Variants in ARHGEF4 observed in about 807,000 individuals in gnomAD.
The protein encoded by ARHGEF4 is APC-stimulated guanine nucleotide exchange factor 1.
ARHGEF4 carries 119 observed loss-of-function variants against 162.0 expected under a neutral mutation model. That is an observed-to-expected ratio of 0.73 (90% CI 0.63 to 0.86). ARHGEF4 has a LOEUF of 0.86. Ranked by LOEUF, ARHGEF4 falls within the 40% of genes least tolerant of loss-of-function variation. The probability of loss-of-function intolerance (pLI) is 0.00; values close to 1 mark genes in which losing one functional copy is unlikely to be tolerated. For missense variants in ARHGEF4, 2,488 were observed against 2,456.0 expected (o/e 1.01, Z -0.28); for synonymous variants, 1,014 against 979.9 (o/e 1.03, Z -0.65).
chr2:130,836,938 C>T lies in ARHGEF4; in HGVS notation c.-16C>T. 1.6e-6 allele frequency: 2 copies of T among 1,223,086 alleles called. No individual in the cohort carries two copies. Among genetic ancestry groups the T allele is most frequent in the Non-Finnish European group, 2.0e-6 (2 of 982,846 alleles). 75.8% of individuals were successfully genotyped at this position (1,223,086 alleles called of 1,614,324 possible). The stretch of plus-strand genomic sequence containing the variant: ...CGTAGTGCTGCGGCCGGGCTCCGGG[C>T]GTCCCGGCGGCCACCATGCTCAGCG... On this transcript the variant is annotated 5_prime_UTR_variant, in exon 1 of 14. Coordinates refer to ENST00000409359, the MANE Select transcript of ARHGEF4 (RefSeq NM_001367493.1).
chr2:130,919,602 G>A lies in ARHGEF4; in HGVS notation c.3552+2104G>A, dbSNP rs777330492. Among the ~76,000 whole-genome samples the A allele has an allele frequency of 7.9e-4, 120 of 152,190 alleles. 1 individual carries two copies. The highest frequency in any genetic ancestry group is 2.1e-4 in the Non-Finnish European group (14 of 68,034). ...GATTTAATAGTGATATAGGCCATGC[G>A]TGGTGGTTCACACCTGTAATCCCAG... On this transcript the variant is annotated intron_variant, in intron 2 of 13. Transcript: ENST00000409359.
In ARHGEF4 at chr2:130,836,943, C is replaced by T. The variant is rs1680235037; in HGVS notation, c.-11C>T. On this transcript the variant is annotated 5_prime_UTR_variant, in exon 1 of 14. Transcript: ENST00000409359. ...TGCTGCGGCCGGGCTCCGGGCGTCC[C>T]GGCGGCCACCATGCTCAGCGTCGTG... 1 of 1,225,396 alleles carries T rather than the reference C, an allele frequency of 8.2e-7. No homozygotes were observed. The highest frequency in any genetic ancestry group is 1.0e-6 in the Non-Finnish European group (1 of 983,810). 75.9% of individuals were successfully genotyped at this position (1,225,396 alleles called of 1,614,324 possible).
chr2:130,847,317 G>A (rs1160978757), intron 1 of ARHGEF4, among the ~76,000 whole-genome samples: 5 of 152,194 alleles, frequency 3.3e-5, no homozygotes, highest in Non-Finnish European at 7.4e-5. Context: ...TTCACCTGGA[G>A]TATGAGTGCC....
chr2:130,939,599 G>T (rs1683169721), intron 3 of ARHGEF4, among the ~76,000 whole-genome samples: 1 of 152,048 alleles, frequency 6.6e-6, no homozygotes, highest in Non-Finnish European at 1.5e-5. Context: ...TAATAAATAT[G>T]AAAATAAGTT....
intron 1 of ARHGEF4, among the ~76,000 whole-genome samples, chr2:130,865,950 C>A (rs1682241623): frequency 6.6e-6 from 1 of 152,172 alleles, no homozygotes; most frequent in Middle Eastern, 3.2e-3. Flanking sequence ...TCAGTTGAGG[C>A]ATTCCATGAC....
rs558001991 is a variant in ARHGEF4 at position 130,970,717 on chromosome 2, T to C, written c.3985+24082T>C. Among the ~76,000 whole-genome samples, 5 of 152,340 alleles carry C rather than the reference T, an allele frequency of 3.3e-5. No homozygotes were observed. In the East Asian group the frequency reaches 9.6e-4, roughly 29 times the overall value. ...CATGTGGGTGTTTGGCATATGCATA[T>C]CTTCTTTGTTGAAGCATCCAGACCC... is the stretch of plus-strand genomic sequence containing the variant. On this transcript the variant is annotated intron_variant, in intron 4 of 13. Transcript: ENST00000409359.
intron 4 of ARHGEF4, among the ~76,000 whole-genome samples, chr2:130,999,300 G>A (rs942868837): frequency 2.6e-5 from 4 of 151,618 alleles, no homozygotes; most frequent in Non-Finnish European, 4.4e-5. Flanking sequence ...GACTACAGGC[G>A]CCCGCCACCA....
intron 5 of ARHGEF4, among the ~76,000 whole-genome samples, chr2:131,038,505 C>A (rs1375855209): frequency 9.3e-5 from 14 of 150,188 alleles, no homozygotes; most frequent in African/African-American, 2.9e-4. Flanking sequence ...CAGCCCCTCC[C>A]TCCTGCAGCC....
chr2:130,949,829 A>G (rs1683842084), intron 4 of ARHGEF4, among the ~76,000 whole-genome samples: 1 of 152,058 alleles, frequency 6.6e-6, no homozygotes, highest in Admixed American at 6.6e-5. Context: ...TTGTATTTTT[A>G]GTAGAGACAG....
At chr2:130,895,533 A>C (rs1416487609) in intron 1 of ARHGEF4, among the ~76,000 whole-genome samples, 1 of 152,012 alleles carries the variant, frequency 6.6e-6, no homozygotes. Flanking sequence ...TGGTATCCTC[A>C]GCTTTTTGGG....
At position 131,043,544 on chromosome 2, in the gene ARHGEF4, GTTCT is replaced by G. The variant is rs1690986853; in HGVS notation, c.5123_5126del (p.Phe1708SerfsTer45). On this transcript the variant is annotated frameshift_variant, in exon 11 of 14. Coordinates refer to ENST00000409359, the MANE Select transcript of ARHGEF4 (RefSeq NM_001367493.1). LOFTEE classifies it high-confidence loss of function. ...CTCAAGCCAAAAGCCAGCAGCGAAT[GTTCT>G]TTCTCTTTGACCACCAGCTCATCTA... 1 of 1,614,114 alleles carries G rather than the reference GTTCT, an allele frequency of 6.2e-7. No individual in the cohort carries two copies. Among genetic ancestry groups the G allele is most frequent in the Non-Finnish European group, 8.5e-7 (1 of 1,180,008 alleles).
chr2:130,837,030 G>C, intron 1 of ARHGEF4, 38 bp downstream of exon 1: 4 of 1,226,026 alleles, frequency 3.3e-6, no homozygotes, highest in Non-Finnish European at 4.1e-6. Flanking sequence ...TCGGGCTCCC[G>C]GCGCCCTGCG....
chr2:131,045,089 A>G (rs77985697), intron 12 of ARHGEF4, among the ~76,000 whole-genome samples: 2,123 of 152,268 alleles, frequency 0.014, 49 homozygotes, highest in African/African-American at 0.048. Context: ...TGGAAAAGAC[A>G]CTAGACATGG....
intron 1 of ARHGEF4, among the ~76,000 whole-genome samples, chr2:130,896,227 A>C (rs1251810305): frequency 6.6e-6 from 1 of 152,238 alleles, no homozygotes. Context: ...ATGTTAATAC[A>C]TGAACTTTTG....
At chr2:130,843,296 C>T (rs549016521) in intron 1 of ARHGEF4, among the ~76,000 whole-genome samples, 1 of 152,294 alleles carries the variant, frequency 6.6e-6, no homozygotes, top group South Asian at 2.1e-4. Context: ...GCCAGGGAGC[C>T]ACCTACATCC....
intron 4 of ARHGEF4, among the ~76,000 whole-genome samples, chr2:130,953,655 C>T (rs1023061610): frequency 4.6e-5 from 7 of 152,128 alleles, no homozygotes; most frequent in Middle Eastern, 3.2e-3. Context: ...GCAATCTACC[C>T]ATCTGACAAA....
At chr2:130,986,199 G>C (rs1686487137) in intron 4 of ARHGEF4, among the ~76,000 whole-genome samples, 1 of 152,164 alleles carries the variant, frequency 6.6e-6, no homozygotes. Flanking sequence ...GTGTGCATAG[G>C]GTGTGTTGCA....
chr2:130,933,712 C>T (rs889973203), intron 3 of ARHGEF4, among the ~76,000 whole-genome samples: 1 of 152,072 alleles, frequency 6.6e-6, no homozygotes, highest in African/African-American at 2.4e-5. Context: ...TTTTTAAAAG[C>T]TTCATTTTGG....
At chr2:131,023,079 A>C (rs923650786) in intron 4 of ARHGEF4, among the ~76,000 whole-genome samples, 11 of 148,090 alleles carry the variant, frequency 7.4e-5, no homozygotes, top group Non-Finnish European at 1.2e-4. Context: ...TGTCTCAAAA[A>C]AAAAAAAAAA....
Sources: gnomAD v4.1 joint callset for allele counts (sites outside exome capture counted in the v4.1 genomes callset) on GRCh38, gnomAD v4.1.1 for gene constraint, MANE v1.5 for transcripts, NCBI Gene and HGNC (gene_info 2026-07-23, HGNC 2026-07-21) for gene names.